The following NRCAM variants were observed in gnomAD, a reference collection of about 807,000 sequenced individuals.
The protein encoded by NRCAM is NgCAM-related cell adhesion molecule.
A neutral mutation model predicts 156.5 loss-of-function variants in NRCAM; 83 were observed. The observed-to-expected ratio is 0.53, with a 90% CI of 0.44 to 0.64. The LOEUF (loss-of-function observed/expected upper bound fraction) is 0.64, where lower values mean the gene tolerates loss of function less well. Among genes scored for constraint, NRCAM ranks in the 30% least tolerant of loss-of-function variants. NRCAM has a pLI of 0.00. For missense variants in NRCAM, 1,417 were observed against 1,597.3 expected (o/e 0.89, Z 1.92); for synonymous variants, 538 against 563.9 (o/e 0.95, Z 0.65).
At chr7:108,297,423 G>C (rs957108058) in intron 3 of NRCAM, among the ~76,000 whole-genome samples, 1 of 152,140 alleles carries the variant, frequency 6.6e-6, no homozygotes, top group African/African-American at 2.4e-5. Context: ...TTAGAAATCA[G>C]GGTGTCACAG....
At chr7:108,171,104 T>C (rs1257336766) in intron 28 of NRCAM, among the ~76,000 whole-genome samples, 1 of 152,194 alleles carries the variant, frequency 6.6e-6, no homozygotes, top group African/African-American at 2.4e-5. Context: ...TAATCCCCAC[T>C]CATCCACCTT....
intron 2 of NRCAM, among the ~76,000 whole-genome samples, chr7:108,368,223 T>G (rs1477467846): frequency 8.5e-5 from 3 of 35,258 alleles, no homozygotes; most frequent in Non-Finnish European, 1.5e-4. Flanking sequence ...CACACTTTCA[T>G]ACCCCCCCCC....
intron 3 of NRCAM, among the ~76,000 whole-genome samples, chr7:108,305,117 C>A (rs1169066963): frequency 6.6e-6 from 1 of 152,124 alleles, no homozygotes; most frequent in Non-Finnish European, 1.5e-5. Flanking sequence ...GGGATGACTT[C>A]TGGTTTGGGT....
chr7:108,193,933 C>T (rs1192378149), intron 17 of NRCAM, 91 bp downstream of exon 17: 7 of 1,311,536 alleles, frequency 5.3e-6, no homozygotes, highest in Non-Finnish European at 7.3e-6. Context: ...AAACTAAAAA[C>T]ATCACCATAA....
At chr7:108,222,952 C>T (rs989985791) in intron 11 of NRCAM, among the ~76,000 whole-genome samples, 6 of 152,262 alleles carry the variant, frequency 3.9e-5, no homozygotes, top group South Asian at 2.1e-4. Flanking sequence ...GTCAAAGGCG[C>T]GTCAGTTCTG....
intron 2 of NRCAM, among the ~76,000 whole-genome samples, chr7:108,339,324 T>C (rs761649373): frequency 3.9e-5 from 6 of 152,216 alleles, no homozygotes; most frequent in African/African-American, 1.4e-4. Context: ...AACTGCCTAA[T>C]AATTGGTCTC....
chr7:108,193,851 C>G (rs1338578816), intron 17 of NRCAM, among the ~76,000 whole-genome samples, 173 bp downstream of exon 17: 3 of 152,142 alleles, frequency 2.0e-5, no homozygotes, highest in African/African-American at 4.8e-5. Flanking sequence ...CACCTGATAC[C>G]TTCTTGGGTG....
At chr7:108,450,837 A>T (rs1849460720) in intron 1 of NRCAM, among the ~76,000 whole-genome samples, 2 of 152,202 alleles carry the variant, frequency 1.3e-5, no homozygotes, top group African/African-American at 2.4e-5. Flanking sequence ...AAAACCATAT[A>T]CCTCCATATT....
intron 28 of NRCAM, among the ~76,000 whole-genome samples, chr7:108,173,712 C>CA (rs1303239080): frequency 1.3e-5 from 2 of 152,162 alleles, no homozygotes; most frequent in Non-Finnish European, 2.9e-5. Flanking sequence ...TAAGATCCAT[C>CA]AGATTTTAAT....
chr7:108,189,882 G>A, intron 19 of NRCAM, 136 bp from the exon 20 acceptor site: 1 of 549,088 alleles, frequency 1.8e-6, no homozygotes, highest in Non-Finnish European at 3.2e-6. Context: ...CAACTGAAAG[G>A]AAATGTGCAC....
intron 2 of NRCAM, among the ~76,000 whole-genome samples, chr7:108,346,874 C>T (rs756597385): frequency 1.3e-5 from 2 of 148,978 alleles, no homozygotes; most frequent in Non-Finnish European, 3.0e-5. Flanking sequence ...ATATGAGCTA[C>T]CTCATTAATT....
rs188915938 is a variant in NRCAM at position 108,305,998 on chromosome 7, T to C, written c.-107+6667A>G. 3.3e-3 allele frequency among the ~76,000 whole-genome samples: 501 copies of C among 152,314 alleles called. 2 individuals are homozygous for C. Among genetic ancestry groups the C allele is most frequent in the African/African-American group, 0.012 (486 of 41,580 alleles). On this transcript the variant is annotated intron_variant, in intron 3 of 32. Coordinates refer to ENST00000379028, the MANE Select transcript of NRCAM (RefSeq NM_001037132.4). ...ATGCAAAAGAAATAATTCAATATTTTCCATTTTCCACAAATACTCTCTGTG... is the reference window on the plus strand; with the variant it reads ...ATGCAAAAGAAATAATTCAATATTTCCCATTTTCCACAAATACTCTCTGTG...
intron 11 of NRCAM, among the ~76,000 whole-genome samples, chr7:108,219,871 A>T (rs190850040): frequency 0.014 from 2,175 of 152,308 alleles, 43 homozygotes; most frequent in African/African-American, 0.045. Context: ...CAAGAGAAAG[A>T]AATAAAGGGT....
chr7:108,173,529 A>G (rs2059331446), intron 28 of NRCAM, among the ~76,000 whole-genome samples: 1 of 152,184 alleles, frequency 6.6e-6, no homozygotes, highest in Non-Finnish European at 1.5e-5. Context: ...ATTTTTAAGG[A>G]AGGAAAACCC....
rs1292917918 is a variant in NRCAM at position 108,299,105 on chromosome 7, C to CAAAAAAAAA, written c.-107+13551_-107+13559dup. Among the ~76,000 whole-genome samples the CAAAAAAAAA allele has an allele frequency of 6.3e-3, 107 of 16,930 alleles. 6 individuals carry two copies. Among genetic ancestry groups the CAAAAAAAAA allele is most frequent in the East Asian group, 0.018 (3 of 168 alleles). The allele number at this position is 16,930 out of a possible 152,430, so 11.1% of individuals were successfully genotyped here. On this transcript the variant is annotated intron_variant, in intron 3 of 32. Transcript: ENST00000379028. ...TGGGCCACAGAGCAAGACTCCATCT[C>CAAAAAAAAA]AAAAAAAAAAAAGAAAGAAAGAAAG...
At chr7:108,388,419 T>C (rs981611976) in intron 2 of NRCAM, among the ~76,000 whole-genome samples, 1 of 152,224 alleles carries the variant, frequency 6.6e-6, no homozygotes, top group African/African-American at 2.4e-5. Context: ...TGATTTTTTC[T>C]TGTAAATTTG....
At chr7:108,262,493 C>T (rs2154001422) in intron 3 of NRCAM, among the ~76,000 whole-genome samples, 1 of 152,266 alleles carries the variant, frequency 6.6e-6, no homozygotes, top group South Asian at 2.1e-4. Context: ...TCCAAGACCA[C>T]ACAGCAAGAA....
intron 11 of NRCAM, among the ~76,000 whole-genome samples, chr7:108,212,223 T>C (rs2084970764): frequency 2.0e-5 from 3 of 152,180 alleles, no homozygotes; most frequent in South Asian, 4.1e-4. Context: ...GAAAACCCCA[T>C]GGGACAAAAG....
At chr7:108,332,167 T>C (rs2099133610) in intron 2 of NRCAM, among the ~76,000 whole-genome samples, 1 of 152,206 alleles carries the variant, frequency 6.6e-6, no homozygotes, top group Non-Finnish European at 1.5e-5. Context: ...CTGTAAATAC[T>C]GTACAGAGAC....
Sources: gnomAD v4.1 joint callset for allele counts (sites outside exome capture counted in the v4.1 genomes callset) on GRCh38, gnomAD v4.1.1 for gene constraint, MANE v1.5 for transcripts, NCBI Gene and HGNC (gene_info 2026-07-23, HGNC 2026-07-21) for gene names.